Variants in CCDC196 observed in about 807,000 individuals in gnomAD.
The protein encoded by CCDC196 is coiled-coil domain-containing protein 196.
Position 66,486,516 on chromosome 14 carries a change from C to T in CCDC196, c.14C>T (p.Ala5Val). MTSG[A>V]NSSGSYLPSE... ...TTACCCTTCAAGATGACAAGTGGTGCAAACTCTTCAGGATCTTACCTGCCC... is the reference window on the plus strand; with the variant it reads ...TTACCCTTCAAGATGACAAGTGGTGTAAACTCTTCAGGATCTTACCTGCCC... Residue 5 changes from alanine (A) to valine (V), a missense_variant, in exon 1 of 10, where the codon GCA becomes GTA. By Grantham distance (64) the Ala-to-Val change is moderately conservative (BLOSUM62 0). Coordinates refer to ENST00000636229, the MANE Select transcript of CCDC196 (RefSeq NM_001351576.1). 2.4e-6 allele frequency: 1 copy of T among 412,598 alleles called. No individual in the cohort carries two copies. The highest frequency in any genetic ancestry group is 4.4e-6 in the Non-Finnish European group (1 of 226,066). The allele number at this position is 412,598 out of a possible 1,614,324, so 25.6% of individuals were successfully genotyped here.
chr14:66,488,094 G>T, intron 2 of CCDC196, 66 bp from the exon 3 acceptor site: 1 of 410,882 alleles, frequency 2.4e-6, no homozygotes. Flanking sequence ...TTTCTGACTA[G>T]TTGCAGAACA....
In CCDC196 at chr14:66,486,553, G is replaced by A. The variant is rs2057402197; in HGVS notation, c.50+1G>A. On this transcript the variant is annotated splice_donor_variant, in intron 1 of 9. Coordinates refer to ENST00000636229, the MANE Select transcript of CCDC196 (RefSeq NM_001351576.1). LOFTEE classifies it high-confidence loss of function. ...GATCTTACCTGCCCTCAGAAATAAGGTGAGTCTTTGATGGAAAATGCTGAA... is the reference window on the plus strand; with the variant it reads ...GATCTTACCTGCCCTCAGAAATAAGATGAGTCTTTGATGGAAAATGCTGAA... The A allele has an allele frequency of 2.4e-6, 1 of 412,888 alleles. No individual in the cohort carries two copies. Among genetic ancestry groups the A allele is most frequent in the South Asian group, 1.3e-4 (1 of 7,862 alleles). 25.6% of individuals were successfully genotyped at this position (412,888 alleles called of 1,614,324 possible).
intron 8 of CCDC196, 93 bp from the exon 9 acceptor site, chr14:66,498,016 T>C (rs922302379): frequency 2.5e-5 from 10 of 405,068 alleles, no homozygotes; most frequent in Non-Finnish European, 4.1e-5. Flanking sequence ...TCAATGCTAA[T>C]ACCCACAGTG....
chr14:66,492,634 C>A (rs925020385), intron 8 of CCDC196, among the ~76,000 whole-genome samples: 5 of 152,134 alleles, frequency 3.3e-5, no homozygotes, highest in African/African-American at 1.2e-4. Context: ...GCCACCACGC[C>A]CGGCCTATCA....
rs2057495049 is a variant in CCDC196, at chr14:66,489,781, T to C, written c.351+744T>C. On this transcript the variant is annotated intron_variant, in intron 4 of 9. Transcript: ENST00000636229. Reference sequence around the variant, plus strand: ...ACCTAATTCCAATACCCTTATAATTTTACAGCAATCACCACATTGTTTAAG... The same window carrying C: ...ACCTAATTCCAATACCCTTATAATTCTACAGCAATCACCACATTGTTTAAG... 2.0e-5 allele frequency among the ~76,000 whole-genome samples: 3 copies of C among 152,126 alleles called. 1 individual carries two copies. The South Asian group carries it at 6.2e-4, about 32-fold the overall frequency.
chr14:66,498,481 C>T lies in CCDC196; in HGVS notation c.*9C>T, dbSNP rs1008002354. On this transcript the variant is annotated 3_prime_UTR_variant, in exon 10 of 10. Coordinates refer to ENST00000636229, the MANE Select transcript of CCDC196 (RefSeq NM_001351576.1). Reference sequence around the variant, plus strand: ...AAGCACTGAAGAATTAGCAGGCTTTCGCTCCATTTGCTTTGGACAGATTTA... The same window carrying T: ...AAGCACTGAAGAATTAGCAGGCTTTTGCTCCATTTGCTTTGGACAGATTTA... 2.9e-5 allele frequency: 12 copies of T among 413,190 alleles called. No individual in the cohort carries two copies. The highest frequency in any genetic ancestry group is 1.6e-4 in the African/African-American group (8 of 48,592). 25.6% of individuals were successfully genotyped at this position (413,190 alleles called of 1,614,324 possible).
At chr14:66,493,388 A>C (rs1294738682) in intron 8 of CCDC196, among the ~76,000 whole-genome samples, 2 of 152,218 alleles carry the variant, frequency 1.3e-5, no homozygotes, top group African/African-American at 2.4e-5. Context: ...ATGAAGTAAC[A>C]ACAAACCAAT....
At chr14:66,488,448 C>G (rs1440850694) in intron 3 of CCDC196, among the ~76,000 whole-genome samples, 192 bp downstream of exon 3, 1 of 152,072 alleles carries the variant, frequency 6.6e-6, no homozygotes, top group Non-Finnish European at 1.5e-5. Flanking sequence ...ACACGACTAG[C>G]AAGCAAAAAT....
intron 8 of CCDC196, chr14:66,496,592 T>C: frequency 3.0e-6 from 1 of 336,008 alleles, no homozygotes; most frequent in East Asian, 7.5e-5. Context: ...CAGGGTGTAT[T>C]GTAGGCCCTC....
At chr14:66,487,314 T>TAGAGA (rs2057428485) in intron 2 of CCDC196, among the ~76,000 whole-genome samples, 1 of 152,160 alleles carries the variant, frequency 6.6e-6, no homozygotes, top group South Asian at 2.1e-4. Flanking sequence ...GTTTCCTTTC[T>TAGAGA]AGTCTCAGAA....
In CCDC196 at chr14:66,498,386, CA is replaced by C; in HGVS notation, c.810del (p.Gly271GlufsTer17). On this transcript the variant is annotated frameshift_variant, in exon 10 of 10. Transcript: ENST00000636229. LOFTEE classifies it high-confidence loss of function. ...GGGAACAAAGATCTACACAGAACAA[CA>C]AGGAACTAAAGGAAGTCAGCTTGAT... The part of the protein sequence containing the change: ...ILGTKIYTEQ[Q>X]GTKGSQLDNT... 1 of 413,152 alleles carries C rather than the reference CA, an allele frequency of 2.4e-6. No homozygotes were observed. The highest frequency in any genetic ancestry group is 3.6e-5 in the East Asian group (1 of 28,068). 25.6% of individuals were successfully genotyped at this position (413,152 alleles called of 1,614,324 possible).
chr14:66,496,840 T>A (rs535184046), intron 8 of CCDC196: 1 of 155,968 alleles, frequency 6.4e-6, no homozygotes, highest in Admixed American at 6.2e-5. Context: ...TTCCTTGAGC[T>A]CTTCTGAGAA....
intron 6 of CCDC196, 166 bp from the exon 7 acceptor site, chr14:66,491,460 G>A (rs2057533895): frequency 4.9e-6 from 2 of 407,790 alleles, no homozygotes; most frequent in African/African-American, 4.1e-5. Context: ...GCTTTTAGAG[G>A]ATGGCTTGTA....
rs1251938419 is a variant in CCDC196, at chr14:66,498,094, A to C, written c.716-15A>C. On this transcript the variant is annotated splice_polypyrimidine_tract_variant and intron_variant, in intron 8 of 9. Transcript: ENST00000636229. ...CCTCAAAAGAAGCTCTTATTTTCCT[A>C]ATGTTTCCCCTTAGGTACTATGGGC... is the stretch of plus-strand genomic sequence containing the variant. 4.9e-6 allele frequency: 2 copies of C among 411,016 alleles called. No homozygotes were observed. The highest frequency in any genetic ancestry group is 2.1e-5 in the African/African-American group (1 of 48,234). 25.5% of individuals were successfully genotyped at this position (411,016 alleles called of 1,614,324 possible).
rs985322939 is a variant in CCDC196, at chr14:66,490,777, A to G, written c.387A>G (p.Lys129=). The G allele has an allele frequency of 9.5e-5, 38 of 399,488 alleles. No individual in the cohort carries two copies. The highest frequency in any genetic ancestry group is 1.5e-4 in the Non-Finnish European group (34 of 226,148). 24.7% of individuals were successfully genotyped at this position (399,488 alleles called of 1,614,324 possible). A position where few individuals can be genotyped will look rare whatever the true frequency, so the allele number is the denominator to read the frequency against. ...CAGAAGAACTTAGTGATCAACAAAA[A>G]GCACCACAGACAAAAAACAAGGCAG... ...FEAEELSDQQ[K]APQTKNKADL... The change falls in exon 5 of 10, where the codon AAA becomes AAG. Residue 129 remains lysine (K), a synonymous_variant. Transcript: ENST00000636229.
At chr14:66,496,393 C>A (rs1195230331) in intron 8 of CCDC196, 1 of 455,994 alleles carries the variant, frequency 2.2e-6, no homozygotes, top group South Asian at 1.6e-5. Flanking sequence ...TACACTTCAA[C>A]AAATCCCTAC....
chr14:66,493,180 G>A (rs149206449), intron 8 of CCDC196, among the ~76,000 whole-genome samples: 68 of 152,184 alleles, frequency 4.5e-4, no homozygotes, highest in African/African-American at 1.4e-3. Context: ...TCTGTAAAGC[G>A]CTTAAACAGC....
chr14:66,497,865 T>C (rs2057702955), intron 8 of CCDC196, among the ~76,000 whole-genome samples: 1 of 152,142 alleles, frequency 6.6e-6, no homozygotes, highest in Admixed American at 6.5e-5. Flanking sequence ...TCCACTTCTT[T>C]ATTTACTTGC....
chr14:66,489,941 T>C (rs909481264), intron 4 of CCDC196, among the ~76,000 whole-genome samples: 2 of 152,170 alleles, frequency 1.3e-5, no homozygotes, highest in Non-Finnish European at 2.9e-5. Flanking sequence ...CTTTACAGAC[T>C]ATGCAACTAG....
Sources: allele counts gnomAD v4.1 joint callset (sites outside exome capture counted in the v4.1 genomes callset), GRCh38; gene constraint gnomAD v4.1.1; transcripts MANE v1.5; gene names NCBI Gene and HGNC (gene_info 2026-07-23, HGNC 2026-07-21).